Variants in CADM2 observed in about 807,000 individuals in gnomAD.
CADM2 encodes the protein immunoglobulin superfamily member 4D.
In CADM2, 12 loss-of-function variants were observed where a neutral mutation model predicts 49.8. That is an observed-to-expected ratio of 0.24 (90% CI 0.15 to 0.39). The LOEUF (loss-of-function observed/expected upper bound fraction) is 0.39. Ranked by LOEUF, CADM2 falls within the 10% of genes least tolerant of loss-of-function variation. The pLI is 1.00. For missense variants in CADM2, 378 were observed against 492.3 expected (o/e 0.77, Z 2.20); for synonymous variants, 214 against 175.4 (o/e 1.22, Z -1.74).
chr3:85,849,819 T>C (rs1559699426), intron 3 of CADM2, among the ~76,000 whole-genome samples: 1 of 152,150 alleles, frequency 6.6e-6, no homozygotes, highest in Admixed American at 6.5e-5. Context: ...GATTTAAAAG[T>C]ACAATGAATA....
At chr3:85,887,352 G>A (rs1213264375) in intron 5 of CADM2, among the ~76,000 whole-genome samples, 3 of 152,126 alleles carry the variant, frequency 2.0e-5, no homozygotes, top group Non-Finnish European at 4.4e-5. Context: ...TAAAGTGCTA[G>A]GATTGCAGGT....
At chr3:85,875,960 C>T (rs1209155111) in intron 3 of CADM2, among the ~76,000 whole-genome samples, 1 of 152,114 alleles carries the variant, frequency 6.6e-6, no homozygotes, top group East Asian at 1.9e-4. Flanking sequence ...TGACACATCT[C>T]AACTTCCTAT....
rs79522606 is a variant in CADM2, at chr3:85,544,732, G to A, written c.62-181790G>A. 5.0e-3 allele frequency among the ~76,000 whole-genome samples: 764 copies of A among 152,198 alleles called. 6 individuals carry two copies. Among genetic ancestry groups the A allele is most frequent in the Non-Finnish European group, 7.5e-3 (513 of 68,018 alleles). ...CTTTATTACTGGAGTGGAATTCCTA[G>A]ATTGGGCATAATTGACAATGGGCCA... On this transcript the variant is annotated intron_variant, in intron 1 of 9. Transcript: ENST00000383699.
At chr3:85,285,083 G>A (rs1051027114) in intron 1 of CADM2, among the ~76,000 whole-genome samples, 2 of 152,122 alleles carry the variant, frequency 1.3e-5, no homozygotes, top group African/African-American at 4.8e-5. Context: ...GTCCGAAGAT[G>A]GGATGCGATT....
intron 1 of CADM2, among the ~76,000 whole-genome samples, chr3:85,632,692 T>C (rs2064348664): frequency 6.6e-6 from 1 of 152,086 alleles, no homozygotes; most frequent in Non-Finnish European, 1.5e-5. Flanking sequence ...ATTCTCATTG[T>C]GGTGCACTTT....
At chr3:85,903,482 C>T (rs1009017085) in intron 5 of CADM2, among the ~76,000 whole-genome samples, 2 of 152,242 alleles carry the variant, frequency 1.3e-5, no homozygotes, top group Middle Eastern at 3.4e-3. Flanking sequence ...TCTTATCTGA[C>T]ATTTTTTCCT....
intron 1 of CADM2, among the ~76,000 whole-genome samples, chr3:85,205,647 T>A (rs1339941962): frequency 6.6e-6 from 1 of 151,970 alleles, no homozygotes; most frequent in Admixed American, 6.6e-5. Context: ...ATAAAATAGA[T>A]CATAGATTAT....
chr3:85,108,235 A>G (rs2038320263), intron 1 of CADM2, among the ~76,000 whole-genome samples: 1 of 152,192 alleles, frequency 6.6e-6, no homozygotes, highest in African/African-American at 2.4e-5. Flanking sequence ...TAAAGCAGGC[A>G]CACAAATAGG....
In CADM2 at chr3:85,174,497, T is replaced by G. The variant is rs545653384; in HGVS notation, c.61+214829T>G. ...AAATTTCTTATGTTTTCAGCTGACT[T>G]GTATGTGTGTGTATATATAAATATA... is the stretch of plus-strand genomic sequence containing the variant. On this transcript the variant is annotated intron_variant, in intron 1 of 9. Coordinates refer to ENST00000383699, the MANE Select transcript of CADM2 (RefSeq NM_001167675.2). 1.9e-4 allele frequency among the ~76,000 whole-genome samples: 28 copies of G among 148,600 alleles called. No individual in the cohort carries two copies. In the South Asian group the frequency reaches 5.8e-3, roughly 31 times the overall value.
intron 1 of CADM2, among the ~76,000 whole-genome samples, chr3:84,962,835 C>T (rs909046052): frequency 2.0e-5 from 3 of 152,154 alleles, no homozygotes; most frequent in East Asian, 3.9e-4. Context: ...ATATCTTCTC[C>T]ATGTTTCTGT....
At chr3:85,630,258 T>C (rs1437713678) in intron 1 of CADM2, among the ~76,000 whole-genome samples, 1 of 151,992 alleles carries the variant, frequency 6.6e-6, no homozygotes, top group African/African-American at 2.4e-5. Context: ...TTTCCCAGTA[T>C]CCTGAGATCT....
intron 2 of CADM2, among the ~76,000 whole-genome samples, chr3:85,750,690 T>C (rs1335358536): frequency 1.3e-5 from 2 of 152,046 alleles, no homozygotes; most frequent in Admixed American, 1.3e-4. Flanking sequence ...TCAAGTGCCA[T>C]GGTACAGAAT....
chr3:85,701,510 C>T (rs2066753461), intron 1 of CADM2, among the ~76,000 whole-genome samples: 1 of 151,626 alleles, frequency 6.6e-6, no homozygotes, highest in Non-Finnish European at 1.5e-5. Flanking sequence ...TGCTCTCATT[C>T]TTACCTTTGT....
At chr3:85,664,760 T>C (rs2065514681) in intron 1 of CADM2, among the ~76,000 whole-genome samples, 1 of 152,012 alleles carries the variant, frequency 6.6e-6, no homozygotes, top group African/African-American at 2.4e-5. Flanking sequence ...AGATCAGACA[T>C]TTGCTGTCTC....
intron 1 of CADM2, among the ~76,000 whole-genome samples, chr3:85,265,469 G>A (rs948699343): frequency 6.6e-6 from 1 of 151,914 alleles, no homozygotes; most frequent in African/African-American, 2.4e-5. Flanking sequence ...GGTGGAAAGA[G>A]GAAGGACAAG....
chr3:85,457,961 T>C (rs1386491403), intron 1 of CADM2, among the ~76,000 whole-genome samples: 1 of 145,708 alleles, frequency 6.9e-6, no homozygotes, highest in Non-Finnish European at 1.5e-5. Context: ...TTAGGTTTTT[T>C]GGGCTAATTT....
chr3:85,747,115 CT>C (rs1184927147), intron 2 of CADM2, among the ~76,000 whole-genome samples: 1 of 151,914 alleles, frequency 6.6e-6, no homozygotes, highest in East Asian at 1.9e-4. Flanking sequence ...ACCAGAAATA[CT>C]ACAGATAACA....
At chr3:85,502,863 A>T (rs1201414665) in intron 1 of CADM2, among the ~76,000 whole-genome samples, 2 of 152,206 alleles carry the variant, frequency 1.3e-5, no homozygotes, top group East Asian at 3.8e-4. Flanking sequence ...GTTTATGTCA[A>T]CAGAAAGTAT....
intron 8 of CADM2, among the ~76,000 whole-genome samples, chr3:86,031,968 A>G (rs1304341798): frequency 1.3e-5 from 2 of 151,824 alleles, no homozygotes; most frequent in Non-Finnish European, 3.0e-5. Flanking sequence ...AATTGTAATG[A>G]TAGTTTGAAA....
Sources: allele counts gnomAD v4.1 joint callset (sites outside exome capture counted in the v4.1 genomes callset), GRCh38; gene constraint gnomAD v4.1.1; transcripts MANE v1.5; gene names NCBI Gene and HGNC (gene_info 2026-07-23, HGNC 2026-07-21).